Variants in TESK2 observed in about 807,000 individuals in gnomAD.
The protein encoded by TESK2 is testis associated actin remodelling kinase 2.
A neutral mutation model predicts 57.1 loss-of-function variants in TESK2; 39 were observed. That is an observed-to-expected ratio of 0.68 (90% CI 0.53 to 0.89). The LOEUF is 0.89. Ranked by LOEUF, TESK2 falls within the 40% of genes least tolerant of loss-of-function variation. The pLI, the probability that TESK2 is intolerant of heterozygous loss-of-function variation, is 0.00. For missense variants in TESK2, 646 were observed against 732.1 expected, an observed-to-expected ratio of 0.88 and a Z score of 1.36; for synonymous variants, 249 against 267.9, an observed-to-expected ratio of 0.93 and a Z score of 0.69.
intron 3 of TESK2, among the ~76,000 whole-genome samples, chr1:45,389,217 T>G (rs1316898892): frequency 6.6e-6 from 1 of 152,140 alleles, no homozygotes; most frequent in Non-Finnish European, 1.5e-5. Context: ...AGTTCAAGAC[T>G]AGCCTGGGCA....
At chr1:45,382,859 A>T (rs1648719300) in intron 4 of TESK2, among the ~76,000 whole-genome samples, 1 of 151,784 alleles carries the variant, frequency 6.6e-6, no homozygotes, top group African/African-American at 2.4e-5. Flanking sequence ...CAAGAGTGAA[A>T]CTCCGTCCCC....
chr1:45,436,534 G>C (rs1051600147), intron 2 of TESK2, among the ~76,000 whole-genome samples: 2 of 129,190 alleles, frequency 1.5e-5, no homozygotes, highest in African/African-American at 3.0e-5. Context: ...TTGTTGCCCA[G>C]GCTGGAGTGC....
chr1:45,479,813 C>CTTTTTT (rs35869444), intron 1 of TESK2, among the ~76,000 whole-genome samples: 7 of 68,542 alleles, frequency 1.0e-4, no homozygotes, highest in Admixed American at 2.2e-4. Context: ...GAAGGCCCTT[C>CTTTTTT]TTTTTTTTTT....
chr1:45,344,728 C>A lies in TESK2; in HGVS notation c.*112G>T. ...AGCCCAGAAGTTGAGCCTGGCTTGG[C>A]CTAGCCTGCCTGCTCTGTAGGCTCC... On this transcript the variant is annotated 3_prime_UTR_variant, in exon 11 of 11. Transcript: ENST00000372086. 9.3e-7 allele frequency: 1 copy of A among 1,080,756 alleles called. No individual in the cohort carries two copies. Among genetic ancestry groups the A allele is most frequent in the Non-Finnish European group, 1.3e-6 (1 of 752,972 alleles). The allele number at this position is 1,080,756 out of a possible 1,614,324, so 66.9% of individuals were successfully genotyped here.
chr1:45,349,908 A>G (rs9429074), intron 5 of TESK2, among the ~76,000 whole-genome samples: 55,455 of 152,110 alleles, frequency 0.36, 12,019 homozygotes, highest in African/African-American at 0.59. Context: ...TTGGAAGGCC[A>G]AGGCACGTGG....
intron 3 of TESK2, among the ~76,000 whole-genome samples, chr1:45,411,583 A>G (rs1249559895): frequency 6.6e-6 from 1 of 152,112 alleles, no homozygotes; most frequent in Admixed American, 6.6e-5. Flanking sequence ...ATACCGGTCC[A>G]TAACCTGGGG....
At chr1:45,450,697 T>C (rs1651837040) in intron 2 of TESK2, among the ~76,000 whole-genome samples, 2 of 152,188 alleles carry the variant, frequency 1.3e-5, no homozygotes, top group Admixed American at 6.5e-5. Context: ...TTAGGCTATA[T>C]GCAAAATCCA....
intron 2 of TESK2, among the ~76,000 whole-genome samples, chr1:45,435,727 C>CTTTAT (rs1038404658): frequency 5.5e-5 from 8 of 144,476 alleles, no homozygotes; most frequent in South Asian, 2.2e-4. Context: ...TTTAAATTAT[C>CTTTAT]TTTATTTTAT....
At position 45,345,194 on chromosome 1, in the gene TESK2, C is replaced by A; in HGVS notation, c.1362G>T (p.Trp454Cys). The change falls in exon 11 of 11, where the codon TGG becomes TGT. Residue 454 changes from tryptophan (W) to cysteine (C), a missense_variant. Trp to Cys is a radical substitution (Grantham distance 215, BLOSUM62 -2). Transcript: ENST00000372086. ...ACTCAGGCGAACCAGGCAAGGAACG[C>A]CACCGGCGAATAGGTGGGGCCAGGG... Reference protein sequence around the residue: ...QEPLAPPIRRWRSLPGSPEFL... With the variant: ...QEPLAPPIRRCRSLPGSPEFL... 1 of 1,614,228 alleles carries A rather than the reference C, an allele frequency of 6.2e-7. No individual in the cohort carries two copies. The highest frequency in any genetic ancestry group is 8.5e-7 in the Non-Finnish European group (1 of 1,180,046).
intron 1 of TESK2, among the ~76,000 whole-genome samples, chr1:45,481,279 G>T (rs909299072): frequency 1.2e-4 from 18 of 151,804 alleles, no homozygotes; most frequent in African/African-American, 4.1e-4. Context: ...GCAGGAGAAT[G>T]GCGTGAACCC....
chr1:45,412,027 T>C (rs182387600), intron 3 of TESK2, among the ~76,000 whole-genome samples: 10 of 152,342 alleles, frequency 6.6e-5, no homozygotes, highest in African/African-American at 2.4e-4. Context: ...AGAGGTTAAA[T>C]AACTTGTCCT....
intron 2 of TESK2, among the ~76,000 whole-genome samples, chr1:45,450,744 T>C (rs1651838386): frequency 6.6e-6 from 1 of 150,866 alleles, no homozygotes; most frequent in African/African-American, 2.4e-5. Flanking sequence ...GTTTATTTTG[T>C]ATTTATTTAT....
intron 3 of TESK2, chr1:45,398,983 GA>G (rs372886401): frequency 0.037 from 8,593 of 231,144 alleles, 16 homozygotes; most frequent in African/African-American, 0.059. Context: ...ACTAGGACCT[GA>G]AAAAAAAAAA....
At chr1:45,447,012 G>A (rs187510672) in intron 2 of TESK2, among the ~76,000 whole-genome samples, 49 of 152,230 alleles carry the variant, frequency 3.2e-4, no homozygotes, top group Non-Finnish European at 3.8e-4. Flanking sequence ...AAGCCCAGGA[G>A]TTAGAGACCA....
rs1170732475 is a variant in TESK2, at chr1:45,436,181, C to CTT, written c.223-14337_223-14336dup. ...CTGTGAAAAATGACATTGGTATCTTCTTTTTTTTTTTTTTTTTTTTTGAGA... is the reference window on the plus strand; with the variant it reads ...CTGTGAAAAATGACATTGGTATCTTCTTTTTTTTTTTTTTTTTTTTTTTGAGA... On this transcript the variant is annotated intron_variant, in intron 2 of 10. Transcript: ENST00000372086. Among the ~76,000 whole-genome samples, 32 of 56,616 alleles carry CTT rather than the reference C, an allele frequency of 5.7e-4. 6 individuals are homozygous for CTT. Among genetic ancestry groups the CTT allele is most frequent in the African/African-American group, 9.4e-4 (16 of 16,980 alleles). 37.1% of individuals were successfully genotyped at this position (56,616 alleles called of 152,430 possible).
intron 3 of TESK2, among the ~76,000 whole-genome samples, chr1:45,413,094 C>A (rs191234727): frequency 6.6e-6 from 1 of 152,274 alleles, no homozygotes; most frequent in East Asian, 1.9e-4. Context: ...GGTTACAGAT[C>A]TTGAGCATAA....
At chr1:45,398,874 T>C (rs1649466596) in intron 3 of TESK2, 1 of 413,474 alleles carries the variant, frequency 2.4e-6, no homozygotes, top group Admixed American at 3.4e-5. Context: ...AGCTTCTTCC[T>C]TCATCTGCCA....
intron 1 of TESK2, among the ~76,000 whole-genome samples, chr1:45,466,828 T>A (rs1652573199): frequency 6.6e-6 from 1 of 151,748 alleles, no homozygotes; most frequent in South Asian, 2.1e-4. Context: ...TAGTTCCCTA[T>A]CTGAAAAATG....
At chr1:45,464,918 T>C (rs994546251) in intron 1 of TESK2, among the ~76,000 whole-genome samples, 40 of 152,092 alleles carry the variant, frequency 2.6e-4, no homozygotes, top group African/African-American at 9.2e-4. Flanking sequence ...CTGGTCAACA[T>C]GGCAAAACCT....
Sources: gnomAD v4.1 joint callset for allele counts (sites outside exome capture counted in the v4.1 genomes callset) on GRCh38, gnomAD v4.1.1 for gene constraint, MANE v1.5 for transcripts, NCBI Gene and HGNC (gene_info 2026-07-23, HGNC 2026-07-21) for gene names.